MEGF11: variants seen among roughly 807,000 people sequenced by gnomAD.
MEGF11 encodes multiple epidermal growth factor-like domains protein 11.
Under a neutral mutation model 146.6 loss-of-function variants are expected in MEGF11, and 126 were observed. The observed-to-expected ratio is 0.86, with a 90% CI of 0.74 to 1.00. The LOEUF (loss-of-function observed/expected upper bound fraction) is 1.00. MEGF11 is among the 50% of genes least tolerant of loss of function. The probability of loss-of-function intolerance (pLI) is 0.00; values close to 1 mark genes in which losing one functional copy is unlikely to be tolerated. For missense variants in MEGF11, 1,509 were observed against 1,521.2 expected (o/e 0.99, Z 0.13); for synonymous variants, 532 against 583.4 (o/e 0.91, Z 1.27).
chr15:65,908,978 G>T, intron 23 of MEGF11, 56 bp downstream of exon 23: 2 of 1,113,438 alleles, frequency 1.8e-6, no homozygotes, highest in South Asian at 1.3e-5. Flanking sequence ...GGGGATTAGG[G>T]CAGGTGCTGG....
At chr15:66,241,641 A>G (rs1286636881) in intron 1 of MEGF11, among the ~76,000 whole-genome samples, 4 of 152,150 alleles carry the variant, frequency 2.6e-5, no homozygotes, top group Non-Finnish European at 4.4e-5. Flanking sequence ...GGGACCTTAG[A>G]GGGGACCCAG....
At chr15:66,202,861 G>C (rs908943550) in intron 1 of MEGF11, among the ~76,000 whole-genome samples, 4 of 152,210 alleles carry the variant, frequency 2.6e-5, no homozygotes, top group African/African-American at 9.6e-5. Context: ...TAGAAAGCAG[G>C]TATGAACCAT....
intron 1 of MEGF11, among the ~76,000 whole-genome samples, chr15:66,212,593 A>G (rs1280795333): frequency 6.6e-6 from 1 of 152,062 alleles, no homozygotes. Flanking sequence ...AATTACATTT[A>G]TTTTTCTCCT....
At chr15:66,235,141 G>A (rs1034010758) in intron 1 of MEGF11, among the ~76,000 whole-genome samples, 12 of 152,162 alleles carry the variant, frequency 7.9e-5, no homozygotes, top group Non-Finnish European at 1.3e-4. Flanking sequence ...TACACATGGC[G>A]GAGGGCGGGG....
intron 5 of MEGF11, among the ~76,000 whole-genome samples, chr15:66,079,107 G>C (rs1444460306): frequency 6.6e-6 from 1 of 152,304 alleles, no homozygotes; most frequent in East Asian, 1.9e-4. Context: ...AGTGGGGAAG[G>C]GGTGAGACTC....
rs8037327 is a variant in MEGF11 at position 65,974,353 on chromosome 15, A to T, written c.763-3664T>A. On this transcript the variant is annotated intron_variant, in intron 7 of 25. Coordinates refer to ENST00000395614, the MANE Select transcript of MEGF11 (RefSeq NM_001385028.1). ...AGTGAGAGAATGCGTGTGTGTGAGA[A>T]AAGGGGAGAGAAGAGTCACTCAGGC... 6.1e-3 allele frequency among the ~76,000 whole-genome samples: 936 copies of T among 152,206 alleles called. 9 individuals are homozygous for T. The highest frequency in any genetic ancestry group is 0.021 in the African/African-American group (885 of 41,530).
At chr15:65,942,680 C>T (rs2080041369) in intron 10 of MEGF11, among the ~76,000 whole-genome samples, 1 of 152,112 alleles carries the variant, frequency 6.6e-6, no homozygotes, top group Non-Finnish European at 1.5e-5. Flanking sequence ...TGCCTGGCCT[C>T]ATCTCTCCCT....
intron 5 of MEGF11, among the ~76,000 whole-genome samples, chr15:66,013,795 C>A (rs1402811920): frequency 1.3e-5 from 2 of 152,118 alleles, no homozygotes; most frequent in African/African-American, 4.8e-5. Context: ...TTGCACCTGG[C>A]AAAGGTGGGA....
chr15:66,070,048 C>T (rs2085300529), intron 5 of MEGF11, among the ~76,000 whole-genome samples: 1 of 152,168 alleles, frequency 6.6e-6, no homozygotes, highest in African/African-American at 2.4e-5. Flanking sequence ...CCCTTTTCTC[C>T]AGCCCAAAGG....
intron 5 of MEGF11, among the ~76,000 whole-genome samples, chr15:65,996,289 A>C (rs1331586185): frequency 6.6e-6 from 1 of 152,138 alleles, no homozygotes; most frequent in African/African-American, 2.4e-5. Flanking sequence ...GTGGGGTGCA[A>C]ATGAGTGTTG....
At chr15:66,006,222 G>A (rs1351792171) in intron 5 of MEGF11, among the ~76,000 whole-genome samples, 1 of 152,160 alleles carries the variant, frequency 6.6e-6, no homozygotes, top group East Asian at 1.9e-4. Flanking sequence ...TGGGAATCAG[G>A]AGCCCGGGGC....
intron 5 of MEGF11, among the ~76,000 whole-genome samples, chr15:66,087,562 C>T (rs1368094478): frequency 6.6e-6 from 1 of 152,172 alleles, no homozygotes; most frequent in Non-Finnish European, 1.5e-5. Context: ...AAATAACCTG[C>T]TCCTGAATGA....
intron 23 of MEGF11, among the ~76,000 whole-genome samples, chr15:65,908,671 C>T (rs939020042): frequency 5.3e-5 from 8 of 152,222 alleles, no homozygotes; most frequent in Non-Finnish European, 7.3e-5. Flanking sequence ...TCCCTGTTAT[C>T]CACTCCAACA....
intron 12 of MEGF11, among the ~76,000 whole-genome samples, chr15:65,929,323 G>A (rs1322426697): frequency 6.6e-6 from 1 of 152,214 alleles, no homozygotes; most frequent in East Asian, 1.9e-4. Flanking sequence ...AGTACAGACT[G>A]TTGGAACCAG....
At chr15:65,909,595 T>C (rs1171426670) in intron 22 of MEGF11, 145 bp downstream of exon 22, 1 of 711,580 alleles carries the variant, frequency 1.4e-6, no homozygotes, top group African/African-American at 1.8e-5. Flanking sequence ...TTGGGCTTCA[T>C]CTGCTTGTGA....
chr15:66,143,089 C>G (rs1005391960), intron 1 of MEGF11, among the ~76,000 whole-genome samples: 1 of 152,244 alleles, frequency 6.6e-6, no homozygotes, highest in African/African-American at 2.4e-5. Context: ...CGTCCTAGTG[C>G]TCTCAGCACC....
chr15:66,150,972 A>G (rs2089553068), intron 1 of MEGF11, among the ~76,000 whole-genome samples: 1 of 152,136 alleles, frequency 6.6e-6, no homozygotes, highest in Non-Finnish European at 1.5e-5. Flanking sequence ...CACCCTGCTG[A>G]GCTCTCTAGA....
At chr15:66,185,735 C>T (rs1005772488) in intron 1 of MEGF11, among the ~76,000 whole-genome samples, 2 of 152,188 alleles carry the variant, frequency 1.3e-5, no homozygotes, top group Non-Finnish European at 2.9e-5. Context: ...GTCAGATGCC[C>T]ACCCAGCAGC....
At chr15:65,955,186 C>A (rs542064088) in intron 10 of MEGF11, among the ~76,000 whole-genome samples, 1 of 152,124 alleles carries the variant, frequency 6.6e-6, no homozygotes, top group African/African-American at 2.4e-5. Context: ...CACTTGGCTA[C>A]GTGAGATTTT....
Sources: gnomAD v4.1 joint callset for allele counts (sites outside exome capture counted in the v4.1 genomes callset) on GRCh38, gnomAD v4.1.1 for gene constraint, MANE v1.5 for transcripts, NCBI Gene and HGNC (gene_info 2026-07-23, HGNC 2026-07-21) for gene names.